FARS2: variants seen among roughly 807,000 people sequenced by gnomAD.
The protein encoded by FARS2 is phenylalanine--tRNA ligase, mitochondrial.
Under a neutral mutation model 46.4 loss-of-function variants are expected in FARS2, and 40 were observed. The ratio of observed to expected loss-of-function variants is 0.86; its 90% CI spans 0.67 to 1.12. The LOEUF is 1.12. Ranked by LOEUF, FARS2 falls within the 50% of genes most tolerant of loss-of-function variation. FARS2 has a pLI of 0.00. For synonymous variants in FARS2, 234 were observed against 214.9 expected, an observed-to-expected ratio of 1.09 and a Z score of -0.78; for missense variants, 513 against 567.9, an observed-to-expected ratio of 0.90 and a Z score of 0.98.
chr6:5,669,183 A>G (rs1230478604), intron 6 of FARS2, among the ~76,000 whole-genome samples: 1 of 152,196 alleles, frequency 6.6e-6, no homozygotes, highest in Non-Finnish European at 1.5e-5. Context: ...GAATGGGAAA[A>G]TAGGAGCCAT....
chr6:5,536,200 C>T (rs986270311), intron 4 of FARS2, among the ~76,000 whole-genome samples: 9 of 152,170 alleles, frequency 5.9e-5, no homozygotes, highest in South Asian at 2.1e-4. Flanking sequence ...TACAGGCTCC[C>T]GCCATGCCTG....
intron 4 of FARS2, among the ~76,000 whole-genome samples, chr6:5,543,831 T>C (rs886720068): frequency 6.6e-6 from 1 of 151,808 alleles, no homozygotes; most frequent in South Asian, 2.1e-4. Flanking sequence ...GTCTGGAATT[T>C]CCTATCACTT....
chr6:5,660,159 T>TA (rs1349097447), intron 6 of FARS2, among the ~76,000 whole-genome samples: 2 of 152,220 alleles, frequency 1.3e-5, no homozygotes, highest in Non-Finnish European at 2.9e-5. Context: ...CTTTCATTCA[T>TA]ACATTTGTTT....
At chr6:5,344,360 C>T (rs749630835) in intron 1 of FARS2, among the ~76,000 whole-genome samples, 5 of 152,322 alleles carry the variant, frequency 3.3e-5, no homozygotes, top group South Asian at 2.1e-4. Flanking sequence ...AAGGCCCTGA[C>T]GTAGATATGT....
intron 5 of FARS2, among the ~76,000 whole-genome samples, chr6:5,595,339 G>A (rs889758076): frequency 2.0e-5 from 3 of 152,212 alleles, no homozygotes; most frequent in South Asian, 4.2e-4. Flanking sequence ...GGGAAATGAC[G>A]CCTCAGCTGA....
At chr6:5,301,359 G>A (rs1768286117) in intron 1 of FARS2, among the ~76,000 whole-genome samples, 1 of 152,134 alleles carries the variant, frequency 6.6e-6, no homozygotes, top group Non-Finnish European at 1.5e-5. Context: ...CCTGAGGCAG[G>A]AGGATCCTTT....
At chr6:5,300,124 T>C (rs577313055) in intron 1 of FARS2, among the ~76,000 whole-genome samples, 1 of 152,322 alleles carries the variant, frequency 6.6e-6, no homozygotes, top group South Asian at 2.1e-4. Flanking sequence ...AGAGAAAGGA[T>C]GTAGGATCCC....
At chr6:5,761,808 TAAA>T (rs79057006) in intron 6 of FARS2, among the ~76,000 whole-genome samples, 8 of 105,910 alleles carry the variant, frequency 7.6e-5, no homozygotes, top group East Asian at 2.8e-4. Context: ...GTGGAGGATC[TAAA>T]AAAAAAAAAA....
chr6:5,474,661 C>CTTTT (rs34998565), intron 4 of FARS2, among the ~76,000 whole-genome samples: 6 of 71,358 alleles, frequency 8.4e-5, no homozygotes, highest in Admixed American at 2.0e-4. Flanking sequence ...AAATACAGTA[C>CTTTT]TGTTTTTTTT....
intron 1 of FARS2, among the ~76,000 whole-genome samples, chr6:5,344,150 C>T (rs918427705): frequency 6.6e-6 from 1 of 152,180 alleles, no homozygotes; most frequent in Non-Finnish European, 1.5e-5. Flanking sequence ...TCCAGTTTAT[C>T]TAAGTCAGAA....
intron 1 of FARS2, among the ~76,000 whole-genome samples, chr6:5,314,513 A>G (rs1769309972): frequency 6.6e-6 from 1 of 152,184 alleles, no homozygotes; most frequent in Non-Finnish European, 1.5e-5. Context: ...TAGCTGAGAA[A>G]ATCCGTCAGT....
intron 1 of FARS2, among the ~76,000 whole-genome samples, chr6:5,307,813 G>A (rs960089720): frequency 1.4e-5 from 2 of 148,060 alleles, no homozygotes; most frequent in Non-Finnish European, 3.0e-5. Context: ...TGGGGCACAC[G>A]GGGCTAGGAC....
At chr6:5,544,263 A>G (rs1267675016) in intron 4 of FARS2, among the ~76,000 whole-genome samples, 1 of 152,176 alleles carries the variant, frequency 6.6e-6, no homozygotes, top group East Asian at 1.9e-4. Context: ...TAAAAAGTAA[A>G]GCAGTCACAG....
intron 5 of FARS2, among the ~76,000 whole-genome samples, chr6:5,607,465 A>C (rs1037958037): frequency 6.6e-6 from 1 of 152,120 alleles, no homozygotes; most frequent in Non-Finnish European, 1.5e-5. Context: ...TTAGCAGAAA[A>C]CACAAATGAA....
At chr6:5,489,996 A>G (rs933987973) in intron 4 of FARS2, among the ~76,000 whole-genome samples, 1 of 152,156 alleles carries the variant, frequency 6.6e-6, no homozygotes, top group African/African-American at 2.4e-5. Flanking sequence ...TAGGCACAAT[A>G]TCAAGATACA....
At chr6:5,522,602 A>G (rs1458185429) in intron 4 of FARS2, among the ~76,000 whole-genome samples, 1 of 152,186 alleles carries the variant, frequency 6.6e-6, no homozygotes, top group African/African-American at 2.4e-5. Context: ...TCTTATTTTT[A>G]TCCATCGCTA....
chr6:5,660,427 C>T (rs1383916130), intron 6 of FARS2, among the ~76,000 whole-genome samples: 1 of 152,078 alleles, frequency 6.6e-6, no homozygotes, highest in East Asian at 1.9e-4. Context: ...TGGAGGATAA[C>T]TTGGGCCCAG....
At chr6:5,623,488 C>T (rs764265641) in intron 6 of FARS2, among the ~76,000 whole-genome samples, 8 of 152,178 alleles carry the variant, frequency 5.3e-5, no homozygotes, top group Middle Eastern at 3.4e-3. Flanking sequence ...CTAGGGCAGG[C>T]GGATCACGAG....
At chr6:5,347,946 CT>C (rs1757340135) in intron 1 of FARS2, among the ~76,000 whole-genome samples, 3 of 152,152 alleles carry the variant, frequency 2.0e-5, no homozygotes, top group Admixed American at 2.0e-4. Flanking sequence ...ATGTCAACCA[CT>C]TTTTCATGTG....
Sources: gnomAD v4.1 joint callset for allele counts (sites outside exome capture counted in the v4.1 genomes callset) on GRCh38, gnomAD v4.1.1 for gene constraint, MANE v1.5 for transcripts, NCBI Gene and HGNC (gene_info 2026-07-23, HGNC 2026-07-21) for gene names.